The following GOLGA2 variants were observed in gnomAD, a reference collection of about 807,000 sequenced individuals.
GOLGA2 encodes golgin subfamily A member 2.
A neutral mutation model predicts 148.8 loss-of-function variants in GOLGA2; 49 were observed. The ratio of observed to expected loss-of-function variants is 0.33; its 90% CI spans 0.26 to 0.42. The LOEUF is 0.42. Ranked by LOEUF, GOLGA2 falls within the 10% of genes least tolerant of loss-of-function variation. GOLGA2 has a pLI of 1.00. For missense variants in GOLGA2, 1,178 were observed against 1,304.6 expected (o/e 0.90, Z 1.49); for synonymous variants, 501 against 511.8 (o/e 0.98, Z 0.28).
intron 1 of GOLGA2, chr9:128,275,483 T>C: frequency 7.7e-7 from 1 of 1,302,278 alleles, no homozygotes; most frequent in South Asian, 2.7e-5. Context: ...AGGTCCGGTT[T>C]GGGGCGGCAG....
rs914009490 is a variant in GOLGA2 at position 128,261,090 on chromosome 9, C to T, written c.1420+82G>A. The T allele has an allele frequency of 2.1e-6, 2 of 951,998 alleles. No individual in the cohort carries two copies. The highest frequency in any genetic ancestry group is 3.5e-6 in the Non-Finnish European group (2 of 579,374). 59.0% of individuals were successfully genotyped at this position (951,998 alleles called of 1,614,324 possible). On this transcript the variant is annotated intron_variant, in intron 17 of 26. Transcript: ENST00000611957. This position sits in a 1 kb window ranked among gnomAD's most constrained non-coding sequence, Gnocchi z 5.7. Reference sequence around the variant, plus strand: ...TCTGCCTCAAAGCCATTCCATCCACCCAACTCCCTGGGGCATTCTAAACCA... The same window carrying T: ...TCTGCCTCAAAGCCATTCCATCCACTCAACTCCCTGGGGCATTCTAAACCA...
Position 128,257,842 on chromosome 9 carries a change from T to A in GOLGA2, c.2559A>T (p.Val853=). Residue 853 remains valine (V), a synonymous_variant, in exon 24 of 27, where the codon GTA becomes GTT. Transcript: ENST00000611957. This position sits in a 1 kb window ranked among gnomAD's most constrained non-coding sequence, Gnocchi z 8.0. ...MQEKADLKER[V]EELEHRCIQL... is the part of the protein sequence containing the mutation. ...GGATGCAGCGATGTTCCAGTTCCTC[T>A]ACCCTCTCCTTCAGGTCTGCCTTCT... is the stretch of plus-strand genomic sequence containing the variant. The A allele has an allele frequency of 6.2e-7, 1 of 1,614,154 alleles. No homozygotes were observed. Among genetic ancestry groups the A allele is most frequent in the South Asian group, 1.1e-5 (1 of 91,082 alleles).
At chr9:128,273,558 T>G (rs890377553) in intron 2 of GOLGA2, 1 of 481,116 alleles carries the variant, frequency 2.1e-6, no homozygotes, top group South Asian at 4.5e-5. Context: ...TTCCTGGGTG[T>G]CCTGGGTGTT....
chr9:128,275,616 G>A, intron 1 of GOLGA2: 1 of 839,038 alleles, frequency 1.2e-6, no homozygotes, highest in Non-Finnish European at 1.7e-6. Context: ...AAGAGCCCAG[G>A]GAGGTCGGAC....
rs374197968 is a variant in GOLGA2, at chr9:128,260,139, G to C, written c.1809C>G (p.Val603=). 9 of 1,610,826 alleles carry C rather than the reference G, an allele frequency of 5.6e-6. No homozygotes were observed. Among genetic ancestry groups the C allele is most frequent in the Non-Finnish European group, 7.6e-6 (9 of 1,179,874 alleles). ...ITSALQSEQH[V]KRELGKKLGE... ...CCAGCTTCTTTCCCAGCTCCCTCTT[G>C]ACGTGCTGCTCCGACTGCAGTGCGC... Residue 603 remains valine, a synonymous_variant, in exon 19 of 27, where the codon GTC becomes GTG. Transcript: ENST00000611957. The surrounding 1 kb of genome is among the most constrained non-coding windows in gnomAD (Gnocchi z 4.8).
At position 128,266,953 on chromosome 9, in the gene GOLGA2, G is replaced by GT; in HGVS notation, c.642+240dup. The stretch of plus-strand genomic sequence containing the variant: ...CCCCAAGAGGCAACAACCCCAGGGC[G>GT]TGTGTGGCAAGGACTCGAGCAGGGG... On this transcript the variant is annotated intron_variant, in intron 8 of 26. Coordinates refer to ENST00000611957, the MANE Select transcript of GOLGA2 (RefSeq NM_001366244.2). The surrounding 1 kb of genome is among the most constrained non-coding windows in gnomAD (Gnocchi z 4.2). 1.7e-6 allele frequency: 1 copy of GT among 589,526 alleles called. No individual in the cohort carries two copies. Among genetic ancestry groups the GT allele is most frequent in the South Asian group, 2.0e-5 (1 of 49,444 alleles). 36.5% of individuals were successfully genotyped at this position (589,526 alleles called of 1,614,324 possible). A position where few individuals can be genotyped will look rare whatever the true frequency, so the allele number is the denominator to read the frequency against.
intron 3 of GOLGA2, among the ~76,000 whole-genome samples, chr9:128,269,618 G>A (rs547635900): frequency 1.2e-4 from 19 of 152,200 alleles, no homozygotes; most frequent in Middle Eastern, 3.4e-3. Context: ...CTTACTCTTC[G>A]CCCAAGCCTC....
Position 128,260,260 on chromosome 9 carries a change from T to C in GOLGA2, c.1759-71A>G, listed in dbSNP as rs1246133800. 4 of 1,292,630 alleles carry C rather than the reference T, an allele frequency of 3.1e-6. No individual in the cohort carries two copies. The highest frequency in any genetic ancestry group is 4.4e-6 in the Non-Finnish European group (4 of 898,968). The allele number at this position is 1,292,630 out of a possible 1,614,324, so 80.1% of individuals were successfully genotyped here. On this transcript the variant is annotated intron_variant, in intron 18 of 26. Transcript: ENST00000611957. The surrounding 1 kb of genome is among the most constrained non-coding windows in gnomAD (Gnocchi z 4.8). The stretch of plus-strand genomic sequence containing the variant: ...CCCCAGAACTTGCTGCCTTGGTGTC[T>C]GCCTCCCATGGCACCGGGAAGGGTG...
At chr9:128,269,794 C>T (rs530557898) in intron 3 of GOLGA2, among the ~76,000 whole-genome samples, 59 of 152,212 alleles carry the variant, frequency 3.9e-4, no homozygotes, top group Non-Finnish European at 7.1e-4. Flanking sequence ...GAAAGGACTG[C>T]GCGCTCACTG....
In GOLGA2 at chr9:128,256,229, A is replaced by C. The variant is rs1829852563; in HGVS notation, c.*838T>G. The C allele has an allele frequency of 6.6e-6, 1 of 152,360 alleles. No individual in the cohort carries two copies. Among genetic ancestry groups the C allele is most frequent in the Non-Finnish European group, 1.5e-5 (1 of 68,058 alleles). 9.4% of individuals were successfully genotyped at this position (152,360 alleles called of 1,614,324 possible). A position where few individuals can be genotyped will look rare whatever the true frequency, so the allele number is the denominator to read the frequency against. ...TAAGGAGGCCATGAGGCCTCTTCCA[A>C]AGAGGCCAATTATATGAGCCTCTGG... On this transcript the variant is annotated 3_prime_UTR_variant, in exon 27 of 27. Transcript: ENST00000611957.
rs758842372 is a variant in GOLGA2 at position 128,261,186 on chromosome 9, A to C, written c.1406T>G (p.Leu469Arg). The change falls in exon 17 of 27, where the codon CTG (leucine) becomes CGG (arginine). Residue 469 changes from leucine (L) to arginine (R), a missense_variant. Leu to Arg is a moderately radical substitution (Grantham distance 102). Transcript: ENST00000611957. This position sits in a 1 kb window ranked among gnomAD's most constrained non-coding sequence, Gnocchi z 5.7. ...CCCCAGCTTACCCATCTGGTTCCTC[A>C]GTTCAGCCAAGCTCGTCTCCAGCTC... ...VQELETSLAE[L>R]RNQMAEPPPP... 3 of 1,611,746 alleles carry C rather than the reference A, an allele frequency of 1.9e-6. No individual in the cohort carries two copies. Among genetic ancestry groups the C allele is most frequent in the Non-Finnish European group, 2.5e-6 (3 of 1,178,026 alleles).
At chr9:128,263,126 C>G (rs1830377705) in intron 12 of GOLGA2, 34 bp from the exon 13 acceptor site, 1 of 1,453,920 alleles carries the variant, frequency 6.9e-7, no homozygotes, top group South Asian at 1.1e-5. Context: ...CAGGATATAG[C>G]AGGCAGAGGA....
At position 128,261,566 on chromosome 9, in the gene GOLGA2, A is replaced by G; in HGVS notation, c.1225-5T>C. The G allele has an allele frequency of 6.4e-7, 1 of 1,567,394 alleles. No individual in the cohort carries two copies. Among genetic ancestry groups the G allele is most frequent in the East Asian group, 2.2e-5 (1 of 44,638 alleles). ...TTGTCTAACCGACTCCATTACCTGC[A>G]AGAATGGCCACAGAAATGAGGAAGG... is the stretch of plus-strand genomic sequence containing the variant. On this transcript the variant is annotated splice_region_variant and splice_polypyrimidine_tract_variant and intron_variant, in intron 15 of 26. Transcript: ENST00000611957. This position sits in a 1 kb window ranked among gnomAD's most constrained non-coding sequence, Gnocchi z 5.7.
Position 128,275,556 on chromosome 9 carries a change from G to A in GOLGA2, c.84+337C>T, listed in dbSNP as rs370891434. ...GTCACGGGCCCAAAGTCACTGGCGAGGGCAGGGGCTGAATTGCTGGGGTCC... is the reference window on the plus strand; with the variant it reads ...GTCACGGGCCCAAAGTCACTGGCGAAGGCAGGGGCTGAATTGCTGGGGTCC... On this transcript the variant is annotated intron_variant, in intron 1 of 26. Coordinates refer to ENST00000611957, the MANE Select transcript of GOLGA2 (RefSeq NM_001366244.2). The A allele has an allele frequency of 3.3e-4, 411 of 1,229,766 alleles. 6 individuals carry two copies. In the East Asian group the frequency reaches 9.3e-3, roughly 28 times the overall value. 76.2% of individuals were successfully genotyped at this position (1,229,766 alleles called of 1,614,324 possible).
At chr9:128,275,320 C>G in intron 1 of GOLGA2, 1 of 1,003,912 alleles carries the variant, frequency 1.0e-6, no homozygotes, top group Middle Eastern at 2.2e-4. Flanking sequence ...TCTCGCGCAA[C>G]TAATTACGGT....
At position 128,257,449 on chromosome 9, in the gene GOLGA2, G is replaced by A. The variant is rs1268203052; in HGVS notation, c.2795C>T (p.Ala932Val). Residue 932 changes from alanine to valine, a missense_variant, in exon 26 of 27, where the codon GCA becomes GTA. Ala to Val is a moderately conservative substitution (Grantham distance 64). This residue lies in a region of GOLGA2 where 149 missense variants were observed against 154.9 expected (regional missense o/e 0.96). Coordinates refer to ENST00000611957, the MANE Select transcript of GOLGA2 (RefSeq NM_001366244.2). This position sits in a 1 kb window ranked among gnomAD's most constrained non-coding sequence, Gnocchi z 8.0. ...CTCATCAGCAGGGTTCTGGGCAGCT[G>A]CCAGGAATCTGCCATGCCACTCGTT... ...DRNEWHGRFL[A>V]AAQNPADEPT... is the part of the protein sequence containing the mutation. 1.1e-5 allele frequency: 17 copies of A among 1,612,842 alleles called. No homozygotes were observed. The highest frequency in any genetic ancestry group is 1.2e-5 in the Non-Finnish European group (14 of 1,179,990).
chr9:128,262,755 G>C, intron 13 of GOLGA2, 51 bp from the exon 14 acceptor site: 1 of 1,555,920 alleles, frequency 6.4e-7, no homozygotes. Context: ...AGAAAGGACT[G>C]CTTTGGTGAT....
chr9:128,271,967 C>A lies in GOLGA2; in HGVS notation c.288+818G>T, dbSNP rs1830974804. Reference sequence around the variant, plus strand: ...GTTCCTCTGAAAAAATAGCTTCAATCCTTCCAACTATAATGTGAACTCATT... The same window carrying A: ...GTTCCTCTGAAAAAATAGCTTCAATACTTCCAACTATAATGTGAACTCATT... On this transcript the variant is annotated intron_variant, in intron 3 of 26. Transcript: ENST00000611957. The surrounding 1 kb of genome is among the most constrained non-coding windows in gnomAD (Gnocchi z 4.4). 3.3e-5 allele frequency among the ~76,000 whole-genome samples: 5 copies of A among 151,744 alleles called. No homozygotes were observed. Among genetic ancestry groups the A allele is most frequent in the Admixed American group, 3.3e-4 (5 of 15,234 alleles).
At chr9:128,272,346 T>TGGTGG (rs1253335136) in intron 3 of GOLGA2, among the ~76,000 whole-genome samples, 1 of 151,966 alleles carries the variant, frequency 6.6e-6, no homozygotes, top group Non-Finnish European at 1.5e-5. Context: ...GAGCCAGACA[T>TGGTGG]GGTGGCAGGC....
Sources: gnomAD v4.1 joint callset for allele counts (sites outside exome capture counted in the v4.1 genomes callset) on GRCh38, gnomAD v4.1.1 for gene constraint, gnomAD v4.1.1 regional missense constraint, Gnocchi (gnomAD v3.1) non-coding constraint, MANE v1.5 for transcripts, NCBI Gene and HGNC (gene_info 2026-07-23, HGNC 2026-07-21) for gene names.